Variants in RYR3 observed in about 807,000 individuals in gnomAD.
The protein encoded by RYR3 is ryanodine receptor 3.
In RYR3, 207 loss-of-function variants were observed where a neutral mutation model predicts 584.3. That is an observed-to-expected ratio of 0.35 (90% confidence interval 0.32 to 0.40). RYR3 has a LOEUF of 0.40. Ranked by LOEUF, RYR3 falls within the 10% of genes least tolerant of loss-of-function variation. The pLI, the probability that RYR3 is intolerant of heterozygous loss-of-function variation, is 1.00. For synonymous variants in RYR3, 2,416 were observed against 2,248.5 expected (o/e 1.07, Z -2.11); for missense variants, 5,616 against 6,089.2 (o/e 0.92, Z 2.59).
chr15:33,680,109 T>C (rs1213093523), intron 38 of RYR3, among the ~76,000 whole-genome samples: 1 of 152,172 alleles, frequency 6.6e-6, no homozygotes. Flanking sequence ...AGTTTCTCTA[T>C]ATGAAAAATG....
intron 64 of RYR3, among the ~76,000 whole-genome samples, chr15:33,774,761 A>G (rs2152892860): frequency 6.6e-6 from 1 of 152,348 alleles, no homozygotes; most frequent in East Asian, 1.9e-4. Flanking sequence ...AAATATAGAT[A>G]AATCATTTGT....
At position 33,398,869 on chromosome 15, in the gene RYR3, C is replaced by T. The variant is rs142383925; in HGVS notation, c.52-74550C>T. Among the ~76,000 whole-genome samples, 862 of 152,280 alleles carry T rather than the reference C, an allele frequency of 5.7e-3. 8 individuals are homozygous for T. Among genetic ancestry groups the T allele is most frequent in the African/African-American group, 0.02 (821 of 41,546 alleles). On this transcript the variant is annotated intron_variant, in intron 1 of 103. Coordinates refer to ENST00000634891, the MANE Select transcript of RYR3 (RefSeq NM_001036.6). Reference sequence around the variant, plus strand: ...GGCGAGCTGAGCATGTCTCTGACAGCCTGGGTACCTGGGTGCGGGGTGCAC... The same window carrying T: ...GGCGAGCTGAGCATGTCTCTGACAGTCTGGGTACCTGGGTGCGGGGTGCAC...
chr15:33,725,976 C>CCCCGCCAAA (rs1555427643), intron 45 of RYR3, among the ~76,000 whole-genome samples: 1 of 31,522 alleles, frequency 3.2e-5, no homozygotes, highest in Non-Finnish European at 5.9e-5. Flanking sequence ...TCCCCCCCCC[C>CCCCGCCAAA]AAAAAAAAAA....
intron 34 of RYR3, among the ~76,000 whole-genome samples, chr15:33,660,956 A>T (rs1359942320): frequency 6.6e-6 from 1 of 152,216 alleles, no homozygotes; most frequent in African/African-American, 2.4e-5. Flanking sequence ...GAGATTGTAT[A>T]AGTATAATCT....
chr15:33,795,874 C>T (rs970664096), intron 67 of RYR3, among the ~76,000 whole-genome samples: 37 of 152,034 alleles, frequency 2.4e-4, no homozygotes, highest in East Asian at 3.9e-4. Context: ...TTCTTAGCCT[C>T]CTTCCTAGGA....
intron 5 of RYR3, among the ~76,000 whole-genome samples, chr15:33,534,505 A>G (rs1387262089): frequency 6.6e-6 from 1 of 152,228 alleles, no homozygotes; most frequent in Admixed American, 6.5e-5. Flanking sequence ...TTGGGAACCA[A>G]TGGATTATTA....
At chr15:33,847,418 C>G (rs1013814927) in intron 93 of RYR3, among the ~76,000 whole-genome samples, 2 of 152,216 alleles carry the variant, frequency 1.3e-5, no homozygotes, top group Non-Finnish European at 2.9e-5. Context: ...AGTGGCATCT[C>G]AGCTGGAGAT....
intron 94 of RYR3, chr15:33,849,003 T>C (rs1218383282): frequency 6.6e-6 from 1 of 152,188 alleles, no homozygotes; most frequent in African/African-American, 2.4e-5. Context: ...GCCTGGATAA[T>C]TTTTTTGTAT....
chr15:33,862,811 G>C (rs536418421), intron 102 of RYR3, among the ~76,000 whole-genome samples: 2 of 152,158 alleles, frequency 1.3e-5, no homozygotes, highest in South Asian at 2.1e-4. Flanking sequence ...GGGTTTCACC[G>C]TGTTGGCCAA....
intron 1 of RYR3, among the ~76,000 whole-genome samples, chr15:33,409,007 GA>G (rs988671032): frequency 1.3e-5 from 2 of 152,050 alleles, no homozygotes; most frequent in Non-Finnish European, 2.9e-5. Flanking sequence ...TTCAGATGAG[GA>G]AAAAAACCCT....
At chr15:33,462,142 T>G (rs1221782840) in intron 1 of RYR3, among the ~76,000 whole-genome samples, 2 of 152,212 alleles carry the variant, frequency 1.3e-5, no homozygotes, top group African/African-American at 4.8e-5. Context: ...TTTAACCTTC[T>G]AAAAGTCAGC....
chr15:33,731,397 C>T, intron 47 of RYR3, 77 bp from the exon 48 acceptor site: 1 of 1,011,152 alleles, frequency 9.9e-7, no homozygotes, highest in Non-Finnish European at 1.5e-6. Flanking sequence ...CAGCTTGCTA[C>T]ATGGGAACTC....
intron 67 of RYR3, among the ~76,000 whole-genome samples, chr15:33,796,501 T>C (rs576185452): frequency 6.6e-6 from 1 of 152,328 alleles, no homozygotes; most frequent in Non-Finnish European, 1.5e-5. Flanking sequence ...ATTCTGTTCT[T>C]ATGCTTCTTG....
intron 1 of RYR3, among the ~76,000 whole-genome samples, chr15:33,402,180 T>C (rs942081902): frequency 6.6e-6 from 1 of 152,216 alleles, no homozygotes; most frequent in African/African-American, 2.4e-5. Context: ...TTTTGTACAA[T>C]TTTTGTACAA....
chr15:33,759,512 A>C (rs1227457225), intron 60 of RYR3, among the ~76,000 whole-genome samples: 2 of 152,228 alleles, frequency 1.3e-5, no homozygotes, highest in Non-Finnish European at 2.9e-5. Flanking sequence ...ACAAGTATCA[A>C]TATCCAAATC....
chr15:33,619,955 A>G (rs976328464), intron 19 of RYR3, among the ~76,000 whole-genome samples: 5 of 152,062 alleles, frequency 3.3e-5, no homozygotes, highest in African/African-American at 1.2e-4. Flanking sequence ...ACTTCTGACC[A>G]CAGTTCTTTT....
intron 2 of RYR3, among the ~76,000 whole-genome samples, chr15:33,475,552 C>G (rs1299291061): frequency 6.6e-6 from 1 of 152,184 alleles, no homozygotes; most frequent in Non-Finnish European, 1.5e-5. Flanking sequence ...GGCAGTAATC[C>G]TCACTCACCT....
intron 1 of RYR3, among the ~76,000 whole-genome samples, chr15:33,384,512 TTAA>T (rs1383412112): frequency 2.7e-5 from 4 of 146,808 alleles, no homozygotes; most frequent in African/African-American, 7.5e-5. Context: ...ATTATTTTAA[TTAA>T]TAATATAATA....
At chr15:33,582,686 C>T (rs2058655084) in intron 14 of RYR3, among the ~76,000 whole-genome samples, 1 of 152,086 alleles carries the variant, frequency 6.6e-6, no homozygotes, top group Non-Finnish European at 1.5e-5. Flanking sequence ...CATCTAGTAA[C>T]TGATGGAGCT....
Sources: allele counts gnomAD v4.1 joint callset (sites outside exome capture counted in the v4.1 genomes callset), GRCh38; gene constraint gnomAD v4.1.1; transcripts MANE v1.5; gene names NCBI Gene and HGNC (gene_info 2026-07-23, HGNC 2026-07-21).